MDGA2: variants seen among roughly 807,000 people sequenced by gnomAD.
MDGA2 encodes MAM domain-containing glycosylphosphatidylinositol anchor protein 2.
A neutral mutation model predicts 117.8 loss-of-function variants in MDGA2; 40 were observed. The ratio of observed to expected loss-of-function variants is 0.34; its 90% CI spans 0.26 to 0.44. The LOEUF (loss-of-function observed/expected upper bound fraction) is 0.44. Ranked by LOEUF, MDGA2 falls within the 20% of genes least tolerant of loss-of-function variation. The pLI, the probability that MDGA2 is intolerant of heterozygous loss-of-function variation, is 1.00. For missense variants in MDGA2, 1,123 were observed against 1,250.6 expected, an observed-to-expected ratio of 0.90 and a Z score of 1.54; for synonymous variants, 452 against 439.0, an observed-to-expected ratio of 1.03 and a Z score of -0.37.
At chr14:47,513,445 C>T (rs17118826) in intron 1 of MDGA2, among the ~76,000 whole-genome samples, 5,749 of 151,992 alleles carry the variant, frequency 0.038, 366 homozygotes, top group African/African-American at 0.13. Flanking sequence ...TTCTTTCCCA[C>T]GAGTATTTTT....
intron 1 of MDGA2, among the ~76,000 whole-genome samples, chr14:47,494,531 A>C (rs1476983705): frequency 1.1e-4 from 16 of 152,086 alleles, no homozygotes; most frequent in Admixed American, 9.8e-4. Flanking sequence ...GAAGCTTTTT[A>C]GTTTAATTAA....
intron 1 of MDGA2, among the ~76,000 whole-genome samples, chr14:47,541,720 C>T (rs942365955): frequency 1.3e-5 from 2 of 152,166 alleles, no homozygotes; most frequent in African/African-American, 4.8e-5. Flanking sequence ...ATGTCTTCAT[C>T]TACAATCTCT....
At chr14:46,860,002 G>A (rs541198772) in intron 14 of MDGA2, among the ~76,000 whole-genome samples, 8 of 151,914 alleles carry the variant, frequency 5.3e-5, no homozygotes, top group African/African-American at 1.2e-4. Flanking sequence ...CTTATGTATC[G>A]TTATATGATA....
intron 1 of MDGA2, among the ~76,000 whole-genome samples, chr14:47,393,547 T>G (rs1283294560): frequency 1.3e-5 from 2 of 152,152 alleles, no homozygotes; most frequent in East Asian, 3.8e-4. Context: ...CAGCAGAAGC[T>G]AATTTCCCAT....
intron 1 of MDGA2, among the ~76,000 whole-genome samples, chr14:47,336,983 G>C: frequency 6.6e-6 from 1 of 151,834 alleles, no homozygotes; most frequent in East Asian, 1.9e-4. Context: ...TCACATTCAT[G>C]CCAATGTGGA....
intron 1 of MDGA2, among the ~76,000 whole-genome samples, chr14:47,636,757 C>G (rs1174235143): frequency 7.3e-6 from 1 of 137,832 alleles, no homozygotes; most frequent in Non-Finnish European, 1.5e-5. Context: ...TGCACTCCAG[C>G]CTGGGCGACA....
intron 1 of MDGA2, among the ~76,000 whole-genome samples, chr14:47,592,688 G>T (rs1057065553): frequency 1.3e-5 from 2 of 152,136 alleles, no homozygotes; most frequent in South Asian, 4.1e-4. Flanking sequence ...GCCATATGCA[G>T]AAAATTGAAA....
chr14:47,175,328 C>T lies in MDGA2; in HGVS notation c.596-31054G>A, dbSNP rs1300650497. Among the ~76,000 whole-genome samples the T allele has an allele frequency of 2.0e-3, 304 of 151,646 alleles. 1 individual carries two copies. The highest frequency in any genetic ancestry group is 6.1e-3 in the African/African-American group (250 of 41,060). On this transcript the variant is annotated intron_variant, in intron 3 of 16. Coordinates refer to ENST00000399232, the MANE Select transcript of MDGA2 (RefSeq NM_001113498.3). The stretch of plus-strand genomic sequence containing the variant: ...GCCAGCATCATCCTGATACCAAAGC[C>T]GGGCAGAGACACAACCAAAAAAGAG...
chr14:46,927,581 A>G (rs894115191), intron 9 of MDGA2, among the ~76,000 whole-genome samples: 2 of 152,202 alleles, frequency 1.3e-5, no homozygotes, highest in African/African-American at 4.8e-5. Flanking sequence ...TTAATACAAC[A>G]GTGAAGTCAA....
chr14:47,090,048 C>T (rs1879548669), intron 6 of MDGA2, among the ~76,000 whole-genome samples: 1 of 151,968 alleles, frequency 6.6e-6, no homozygotes, highest in Non-Finnish European at 1.5e-5. Flanking sequence ...AATTATAAGT[C>T]TTTTTGTAAT....
intron 4 of MDGA2, among the ~76,000 whole-genome samples, chr14:47,135,964 A>C (rs1229392258): frequency 6.6e-6 from 1 of 152,104 alleles, no homozygotes; most frequent in Non-Finnish European, 1.5e-5. Context: ...AAAAGGTCAT[A>C]TTAGAGGGGC....
rs182895484 is a variant in MDGA2, at chr14:47,207,055, A to C, written c.595+10966T>G. Among the ~76,000 whole-genome samples the C allele has an allele frequency of 9.9e-5, 15 of 152,192 alleles. 1 individual carries two copies. Among genetic ancestry groups the C allele is most frequent in the Admixed American group, 6.5e-4 (10 of 15,282 alleles). On this transcript the variant is annotated intron_variant, in intron 3 of 16. Coordinates refer to ENST00000399232, the MANE Select transcript of MDGA2 (RefSeq NM_001113498.3). ...TGTCTCCAGTGCCCTTGAGTAATTA[A>C]GCAACACGTGTTTCTCATACCCTAA...
intron 15 of MDGA2, among the ~76,000 whole-genome samples, chr14:46,846,491 T>C (rs1880845721): frequency 1.3e-5 from 2 of 152,134 alleles, no homozygotes; most frequent in Non-Finnish European, 2.9e-5. Context: ...GTTGAATATC[T>C]CACGGTATAC....
intron 1 of MDGA2, among the ~76,000 whole-genome samples, chr14:47,392,851 T>G (rs569556520): frequency 6.6e-6 from 1 of 152,080 alleles, no homozygotes; most frequent in Non-Finnish European, 1.5e-5. Context: ...TAAATGGAAA[T>G]AAGGATCACA....
At chr14:46,851,980 T>C (rs759144706) in intron 15 of MDGA2, among the ~76,000 whole-genome samples, 37 of 151,586 alleles carry the variant, frequency 2.4e-4, no homozygotes, top group Admixed American at 3.3e-4. Context: ...ACAACAAAAG[T>C]GGCATGGGAT....
At chr14:47,335,392 T>C (rs931506353) in intron 1 of MDGA2, among the ~76,000 whole-genome samples, 38 of 151,098 alleles carry the variant, frequency 2.5e-4, no homozygotes, top group African/African-American at 9.0e-4. Flanking sequence ...AAAGCCTTGA[T>C]GTAGACGAGG....
intron 1 of MDGA2, among the ~76,000 whole-genome samples, chr14:47,515,996 A>G (rs1049239708): frequency 1.3e-5 from 2 of 152,208 alleles, no homozygotes; most frequent in African/African-American, 4.8e-5. Context: ...TATATCAAAG[A>G]GAATGAGACT....
chr14:47,460,954 A>G (rs1893470515), intron 1 of MDGA2, among the ~76,000 whole-genome samples: 1 of 152,210 alleles, frequency 6.6e-6, no homozygotes, highest in Non-Finnish European at 1.5e-5. Context: ...ATAGATTGCT[A>G]TTTATTTCAC....
intron 7 of MDGA2, among the ~76,000 whole-genome samples, chr14:47,043,060 A>G (rs187318403): frequency 1.3e-5 from 2 of 152,204 alleles, no homozygotes; most frequent in African/African-American, 4.8e-5. Context: ...TTCCATTCCA[A>G]GTCTGAATAA....
Sources: allele counts gnomAD v4.1 joint callset (sites outside exome capture counted in the v4.1 genomes callset), GRCh38; gene constraint gnomAD v4.1.1; transcripts MANE v1.5; gene names NCBI Gene and HGNC (gene_info 2026-07-23, HGNC 2026-07-21).